Variants in SLC25A48 observed in about 807,000 individuals in gnomAD.
The protein encoded by SLC25A48 is solute carrier family 25 member 48, also known as CTC-321K16.1.
A neutral mutation model predicts 32.2 loss-of-function variants in SLC25A48; 29 were observed. The observed-to-expected ratio is 0.90, with a 90% CI of 0.67 to 1.23. SLC25A48 has a LOEUF of 1.23. Ranked by LOEUF, SLC25A48 falls within the 50% of genes most tolerant of loss-of-function variation. The probability of loss-of-function intolerance (pLI) is 0.00; values close to 1 mark genes in which losing one functional copy is unlikely to be tolerated. For synonymous variants in SLC25A48, 164 were observed against 172.3 expected (o/e 0.95, Z 0.38); for missense variants, 399 against 422.7 (o/e 0.94, Z 0.49).
chr5:135,579,962 C>T (rs994702764), intron 1 of SLC25A48, among the ~76,000 whole-genome samples: 6 of 152,212 alleles, frequency 3.9e-5, no homozygotes, highest in Non-Finnish European at 8.8e-5. Flanking sequence ...AAGTGCAGAT[C>T]ATCACAGTGT....
At position 135,816,137 on chromosome 5, in the gene SLC25A48, A is replaced by T. The variant is rs547106894; in HGVS notation, c.-117+3211A>T. Among the ~76,000 whole-genome samples, 19 of 152,058 alleles carry T rather than the reference A, an allele frequency of 1.2e-4. No individual in the cohort carries two copies. The South Asian group carries it at 3.3e-3, about 27-fold the overall frequency. On this transcript the variant is annotated intron_variant, in intron 4 of 10. Transcript: ENST00000646290. ...TTTAAAACCATCAGATCTCGTAAGAACTCCCTCACTATCACAAGAACAGCA... is the reference window on the plus strand; with the variant it reads ...TTTAAAACCATCAGATCTCGTAAGATCTCCCTCACTATCACAAGAACAGCA...
chr5:135,803,409 C>G (rs1757381008), intron 3 of SLC25A48, among the ~76,000 whole-genome samples: 1 of 85,394 alleles, frequency 1.2e-5, no homozygotes, highest in African/African-American at 3.2e-5. Flanking sequence ...ATATATTACT[C>G]CTAATATCAC....
intron 1 of SLC25A48, among the ~76,000 whole-genome samples, chr5:135,841,246 C>A (rs1459095511): frequency 1.3e-5 from 2 of 152,134 alleles, no homozygotes; most frequent in Admixed American, 1.3e-4. Flanking sequence ...AAGTCCTTTG[C>A]CCATTAAAAT....
rs896193801 is a variant in SLC25A48, at chr5:135,688,344, G to A, written c.-521+53388G>A. ...TTTTTTAACAGCCTCTGTGGATACAGTTGAATAGTTGACTTTATTGGTGTT... is the reference window on the plus strand; with the variant it reads ...TTTTTTAACAGCCTCTGTGGATACAATTGAATAGTTGACTTTATTGGTGTT... On this transcript the variant is annotated intron_variant, in intron 3 of 10. Coordinates refer to the SLC25A48 transcript ENST00000646290. Among the ~76,000 whole-genome samples, 78 of 152,122 alleles carry A rather than the reference G, an allele frequency of 5.1e-4. 1 individual carries two copies. The highest frequency in any genetic ancestry group is 1.9e-3 in the African/African-American group (77 of 41,486).
chr5:135,713,306 G>A (rs992422614), intron 3 of SLC25A48, among the ~76,000 whole-genome samples: 6 of 152,168 alleles, frequency 3.9e-5, no homozygotes, highest in Admixed American at 6.5e-5. Flanking sequence ...TAGGCATTTC[G>A]TGTTAATGAT....
At chr5:135,601,570 G>T (rs999219224) in intron 1 of SLC25A48, among the ~76,000 whole-genome samples, 4 of 152,128 alleles carry the variant, frequency 2.6e-5, no homozygotes, top group Non-Finnish European at 5.9e-5. Context: ...GAACCCATGG[G>T]TCACACAGTT....
intron 3 of SLC25A48, among the ~76,000 whole-genome samples, chr5:135,635,468 C>T (rs1163679475): frequency 6.6e-6 from 1 of 152,196 alleles, no homozygotes; most frequent in Non-Finnish European, 1.5e-5. Flanking sequence ...CTGTCTCCAG[C>T]TGGGATAAGA....
intron 4 of SLC25A48, among the ~76,000 whole-genome samples, chr5:135,822,809 C>G (rs1580921243): frequency 1.3e-5 from 2 of 152,244 alleles, no homozygotes; most frequent in East Asian, 3.9e-4. Flanking sequence ...GCCATTTAGC[C>G]TGTCCCTTCT....
intron 3 of SLC25A48, among the ~76,000 whole-genome samples, chr5:135,733,024 G>C (rs144736694): frequency 0.01 from 1,534 of 152,320 alleles, 35 homozygotes; most frequent in African/African-American, 0.035. Flanking sequence ...CATGCATAGT[G>C]AGGAAATTTC....
At chr5:135,601,769 A>G (rs1419134447) in intron 1 of SLC25A48, among the ~76,000 whole-genome samples, 1 of 152,226 alleles carries the variant, frequency 6.6e-6, no homozygotes, top group East Asian at 1.9e-4. Context: ...TGGCTGAGCC[A>G]AAAGAAACTG....
intron 3 of SLC25A48, among the ~76,000 whole-genome samples, chr5:135,776,545 T>C (rs754403258): frequency 1.3e-5 from 2 of 151,704 alleles, no homozygotes; most frequent in Non-Finnish European, 2.9e-5. Context: ...GCAAGGTATG[T>C]ACACCCCTTC....
At chr5:135,721,993 C>G (rs1391135580) in intron 3 of SLC25A48, among the ~76,000 whole-genome samples, 1 of 152,264 alleles carries the variant, frequency 6.6e-6, no homozygotes, top group Non-Finnish European at 1.5e-5. Context: ...GGCCCCCTCT[C>G]TGCTTCCCCA....
intron 3 of SLC25A48, among the ~76,000 whole-genome samples, chr5:135,730,016 AG>A (rs1182500628): frequency 1.3e-5 from 2 of 152,206 alleles, no homozygotes; most frequent in African/African-American, 4.8e-5. Context: ...CCCTGCCCAG[AG>A]CTCATAAACT....
rs1415877802 is a variant in SLC25A48, at chr5:135,779,955, T to G, written c.-520-32568T>G. Among the ~76,000 whole-genome samples, 15 of 115,756 alleles carry G rather than the reference T, an allele frequency of 1.3e-4. 3 individuals carry two copies. Among genetic ancestry groups the G allele is most frequent in the Admixed American group, 7.2e-4 (8 of 11,124 alleles). The allele number at this position is 115,756 out of a possible 152,430, so 75.9% of individuals were successfully genotyped here. A position where few individuals can be genotyped will look rare whatever the true frequency, so the allele number is the denominator to read the frequency against. ...TAGGTAGGGTAAAGAATAATATTAC[T>G]CCCAAGTTCGCAGGGGCATACATCC... On this transcript the variant is annotated intron_variant, in intron 3 of 10. Coordinates refer to the SLC25A48 transcript ENST00000646290.
intron 3 of SLC25A48, among the ~76,000 whole-genome samples, chr5:135,713,762 G>C (rs778183890): frequency 1.3e-5 from 2 of 152,208 alleles, no homozygotes; most frequent in Non-Finnish European, 2.9e-5. Context: ...GAATTTGTGT[G>C]GAATGACACT....
chr5:135,769,073 G>C (rs1756327598), intron 3 of SLC25A48, among the ~76,000 whole-genome samples: 1 of 151,444 alleles, frequency 6.6e-6, no homozygotes, highest in Non-Finnish European at 1.5e-5. Flanking sequence ...AGTATTGCAG[G>C]GGGTGTAAAC....
At position 135,713,899 on chromosome 5, in the gene SLC25A48, G is replaced by A. The variant is rs866002790; in HGVS notation, c.-521+78943G>A. ...CCCTCGAGGAGCCTCCGTTGGGTTG[G>A]TCGTGTGGGAAACCATGCAGGGAGC... On this transcript the variant is annotated intron_variant, in intron 3 of 10. Coordinates refer to the SLC25A48 transcript ENST00000646290. Among the ~76,000 whole-genome samples the A allele has an allele frequency of 5.3e-5, 8 of 152,310 alleles. No individual in the cohort carries two copies. In the East Asian group the frequency reaches 1.4e-3, roughly 26 times the overall value.
intron 3 of SLC25A48, among the ~76,000 whole-genome samples, chr5:135,731,798 A>C (rs1048553659): frequency 6.6e-6 from 1 of 152,244 alleles, no homozygotes; most frequent in Non-Finnish European, 1.5e-5. Context: ...AAGATTATTT[A>C]TTTACTTTAA....
At chr5:135,588,700 C>T (rs1751432753) in intron 1 of SLC25A48, among the ~76,000 whole-genome samples, 1 of 152,092 alleles carries the variant, frequency 6.6e-6, no homozygotes, top group Admixed American at 6.6e-5. Context: ...GTGAAGGTGA[C>T]CCGCAGGGAC....
Sources: gnomAD v4.1 joint callset for allele counts (sites outside exome capture counted in the v4.1 genomes callset) on GRCh38, gnomAD v4.1.1 for gene constraint, MANE v1.5 for transcripts, NCBI Gene and HGNC (gene_info 2026-07-23, HGNC 2026-07-21) for gene names.